Variants in SGMS1 observed in about 807,000 individuals in gnomAD.
SGMS1 encodes the protein sphingomyelin synthase 1.
In SGMS1, 13 loss-of-function variants were observed where a neutral mutation model predicts 46.2. The ratio of observed to expected loss-of-function variants is 0.28; its 90% CI spans 0.18 to 0.45. SGMS1 has a LOEUF of 0.45. SGMS1 is among the 20% of genes least tolerant of loss of function. SGMS1 has a pLI of 1.00. For missense variants in SGMS1, 324 were observed against 519.9 expected (o/e 0.62, Z 3.66); for synonymous variants, 203 against 187.8 (o/e 1.08, Z -0.66).
chr10:50,394,365 G>T (rs1458680118), intron 6 of SGMS1, among the ~76,000 whole-genome samples: 1 of 152,218 alleles, frequency 6.6e-6, no homozygotes, highest in Non-Finnish European at 1.5e-5. Context: ...GTCAGAAGTG[G>T]TAATACAGGG....
intron 1 of SGMS1, among the ~76,000 whole-genome samples, chr10:50,617,444 C>T (rs541753736): frequency 2.6e-5 from 4 of 152,176 alleles, no homozygotes; most frequent in African/African-American, 9.6e-5. Flanking sequence ...GGCCCAAGGG[C>T]AATTTTGGGG....
intron 1 of SGMS1, among the ~76,000 whole-genome samples, chr10:50,620,120 C>T: frequency 6.6e-6 from 1 of 152,232 alleles, no homozygotes; most frequent in East Asian, 1.9e-4. Context: ...AACCAAGCTA[C>T]CTTCCTGGGG....
intron 2 of SGMS1, among the ~76,000 whole-genome samples, chr10:50,575,790 A>AGC (rs1403910393): frequency 6.6e-5 from 10 of 152,220 alleles, no homozygotes. Flanking sequence ...TAGGGAAAAA[A>AGC]CAAAAGCAAG....
chr10:50,331,184 G>A (rs770221880), intron 7 of SGMS1, among the ~76,000 whole-genome samples: 4 of 152,132 alleles, frequency 2.6e-5, no homozygotes, highest in Admixed American at 6.5e-5. Context: ...CCCCAGGCAT[G>A]GTATTACCAA....
chr10:50,510,326 T>C (rs530016551), intron 3 of SGMS1, among the ~76,000 whole-genome samples: 2 of 152,228 alleles, frequency 1.3e-5, no homozygotes, highest in Admixed American at 1.3e-4. Flanking sequence ...TTAGCAGTTA[T>C]GAATAAAGCT....
chr10:50,589,629 C>T (rs1838521548), intron 2 of SGMS1, among the ~76,000 whole-genome samples: 1 of 151,782 alleles, frequency 6.6e-6, no homozygotes, highest in African/African-American at 2.4e-5. Context: ...ACCACCACAC[C>T]CAGCTAATTT....
intron 2 of SGMS1, among the ~76,000 whole-genome samples, chr10:50,582,067 T>C (rs1588883665): frequency 6.6e-6 from 1 of 152,232 alleles, no homozygotes; most frequent in African/African-American, 2.4e-5. Context: ...TTGTGAATGC[T>C]GAATGGCAAG....
At position 50,587,158 on chromosome 10, in the gene SGMS1, C is replaced by T. The variant is rs191747228; in HGVS notation, c.-589+2995G>A. 1.1e-3 allele frequency among the ~76,000 whole-genome samples: 173 copies of T among 152,138 alleles called. 2 individuals are homozygous for T. The Middle Eastern group carries it at 0.017, about 15-fold the overall frequency. On this transcript the variant is annotated intron_variant, in intron 2 of 10. Transcript: ENST00000361781. The stretch of plus-strand genomic sequence containing the variant: ...TCCATGGAGCAAGGGTACAGTTGAC[C>T]CTTGAACAACACTGGTTTGAACTGT...
At chr10:50,313,632 G>A (rs1847293560) in intron 8 of SGMS1, among the ~76,000 whole-genome samples, 1 of 152,122 alleles carries the variant, frequency 6.6e-6, no homozygotes, top group Non-Finnish European at 1.5e-5. Flanking sequence ...GAAAATTATG[G>A]CAAAAAAGCT....
At position 50,572,516 on chromosome 10, in the gene SGMS1, G is replaced by T. The variant is rs1288398916; in HGVS notation, c.-589+17637C>A. 2.6e-5 allele frequency among the ~76,000 whole-genome samples: 4 copies of T among 152,116 alleles called. No homozygotes were observed. The East Asian group carries it at 7.7e-4, about 29-fold the overall frequency. On this transcript the variant is annotated intron_variant, in intron 2 of 10. Transcript: ENST00000361781. The stretch of plus-strand genomic sequence containing the variant: ...GAGGGGAGGTAGGAGATGGGTTGGG[G>T]GAAGAAGGGAGAGAGAGAGGAGAGG...
intron 6 of SGMS1, among the ~76,000 whole-genome samples, chr10:50,355,924 C>T (rs1848138873): frequency 2.0e-5 from 3 of 152,202 alleles, no homozygotes; most frequent in Admixed American, 1.3e-4. Flanking sequence ...TGCCCCGCCG[C>T]CACCCTGTCT....
At chr10:50,538,958 T>G (rs1240026069) in intron 2 of SGMS1, among the ~76,000 whole-genome samples, 2 of 152,184 alleles carry the variant, frequency 1.3e-5, no homozygotes, top group African/African-American at 4.8e-5. Flanking sequence ...TTACATGAAC[T>G]AATACAAGGA....
chr10:50,334,538 C>G (rs1028992867), intron 7 of SGMS1: 4 of 152,142 alleles, frequency 2.6e-5, no homozygotes, highest in African/African-American at 9.7e-5. Flanking sequence ...AGGGATTATC[C>G]TTAAAAGCAA....
At position 50,307,225 on chromosome 10, in the gene SGMS1, G is replaced by A; in HGVS notation, c.1159C>T (p.Arg387Ter). The change falls in exon 11 of 11, where the codon CGA becomes TGA. Residue 387 changes from arginine (R) to a stop codon, truncating the protein, a stop_gained. Transcript: ENST00000361781. LOFTEE classifies it high-confidence loss of function. The surrounding 1 kb of genome is among the most constrained non-coding windows in gnomAD (Gnocchi z 4.2). ...FEKNVQGIVP[R>*]SYHWPFPWPV... ...CAGGGGAAAGGCCAATGGTAAGATCGAGGTACAATTCCTTGGACATTCTTT... is the reference window on the plus strand; with the variant it reads ...CAGGGGAAAGGCCAATGGTAAGATCAAGGTACAATTCCTTGGACATTCTTT... The A allele has an allele frequency of 6.2e-7, 1 of 1,614,082 alleles. No individual in the cohort carries two copies. Among genetic ancestry groups the A allele is most frequent in the Non-Finnish European group, 8.5e-7 (1 of 1,180,000 alleles).
chr10:50,397,205 T>C (rs1014892122), intron 6 of SGMS1, among the ~76,000 whole-genome samples: 1 of 152,154 alleles, frequency 6.6e-6, no homozygotes, highest in African/African-American at 2.4e-5. Context: ...CTTGAGGAGA[T>C]GGTTAGCAGC....
chr10:50,508,936 C>T (rs955464618), intron 3 of SGMS1, among the ~76,000 whole-genome samples: 18 of 152,168 alleles, frequency 1.2e-4, no homozygotes, highest in African/African-American at 3.9e-4. Context: ...TGGTAATTTC[C>T]TTAAAAACAG....
At chr10:50,409,124 C>T (rs56257817) in intron 6 of SGMS1, among the ~76,000 whole-genome samples, 4,527 of 152,200 alleles carry the variant, frequency 0.03, 225 homozygotes, top group African/African-American at 0.1. Context: ...TTTATTGATA[C>T]ACAATATTTG....
chr10:50,496,189 C>A (rs1837613834), intron 3 of SGMS1, among the ~76,000 whole-genome samples: 1 of 152,152 alleles, frequency 6.6e-6, no homozygotes. Flanking sequence ...AAAGGGCCTA[C>A]AAAACATTTG....
intron 4 of SGMS1, among the ~76,000 whole-genome samples, chr10:50,465,595 A>T (rs1323773277): frequency 6.6e-6 from 1 of 152,204 alleles, no homozygotes; most frequent in Non-Finnish European, 1.5e-5. Flanking sequence ...TTGAAGAAAA[A>T]CACAGAAAGA....
Sources: allele counts gnomAD v4.1 joint callset (sites outside exome capture counted in the v4.1 genomes callset), GRCh38; gene constraint gnomAD v4.1.1; non-coding constraint Gnocchi (gnomAD v3.1); transcripts MANE v1.5; gene names NCBI Gene and HGNC (gene_info 2026-07-23, HGNC 2026-07-21).